Variants in PLEKHH2 observed in about 807,000 individuals in gnomAD.
The protein encoded by PLEKHH2 is pleckstrin homology domain-containing family H member 2.
Under a neutral mutation model 187.9 loss-of-function variants are expected in PLEKHH2, and 129 were observed. The ratio of observed to expected loss-of-function variants is 0.69; its 90% CI spans 0.59 to 0.79. The LOEUF (loss-of-function observed/expected upper bound fraction) is 0.79, where lower values mean the gene tolerates loss of function less well. PLEKHH2 is among the 30% of genes least tolerant of loss of function. The pLI is 0.00. For synonymous variants in PLEKHH2, 686 were observed against 605.6 expected (o/e 1.13, Z -1.95); for missense variants, 2,076 against 1,751.2 (o/e 1.19, Z -3.31).
intron 3 of PLEKHH2, among the ~76,000 whole-genome samples, chr2:43,684,835 A>AG (rs1015456234): frequency 6.6e-5 from 10 of 152,050 alleles, no homozygotes; most frequent in East Asian, 1.9e-4. Flanking sequence ...AAAAAAAAAA[A>AG]AGAGAGAGAA....
chr2:43,684,085 G>T (rs1005920254), intron 3 of PLEKHH2, among the ~76,000 whole-genome samples: 1 of 152,040 alleles, frequency 6.6e-6, no homozygotes, highest in Non-Finnish European at 1.5e-5. Flanking sequence ...TTTACTCTTG[G>T]TGTTTTATGT....
intron 2 of PLEKHH2, among the ~76,000 whole-genome samples, chr2:43,653,202 C>A (rs146207731): frequency 2.6e-5 from 4 of 151,896 alleles, no homozygotes; most frequent in Non-Finnish European, 5.9e-5. Flanking sequence ...AAGAACCTAC[C>A]ATAACAGATT....
intron 18 of PLEKHH2, among the ~76,000 whole-genome samples, 162 bp from the exon 19 acceptor site, chr2:43,731,328 C>A (rs1286511675): frequency 6.6e-6 from 1 of 152,136 alleles, no homozygotes; most frequent in African/African-American, 2.4e-5. Context: ...AATGACCTGG[C>A]TACCAAAATA....
At chr2:43,639,422 C>G (rs1280404694) in intron 1 of PLEKHH2, among the ~76,000 whole-genome samples, 1 of 152,174 alleles carries the variant, frequency 6.6e-6, no homozygotes, top group African/African-American at 2.4e-5. Context: ...TAGTCAGTAT[C>G]TGCTACCTTC....
intron 1 of PLEKHH2, among the ~76,000 whole-genome samples, chr2:43,641,708 A>T (rs980654068): frequency 6.6e-6 from 1 of 152,168 alleles, no homozygotes; most frequent in African/African-American, 2.4e-5. Context: ...ATTCTTTTAC[A>T]TATGGATATC....
In PLEKHH2 at chr2:43,700,502, A is replaced by T; in HGVS notation, c.1544A>T (p.Asp515Val). The change falls in exon 8 of 30, where the codon GAC becomes GTC. Residue 515 changes from aspartate to valine, a missense_variant. Coordinates refer to ENST00000282406, the MANE Select transcript of PLEKHH2 (RefSeq NM_172069.4). ...TSCDDGLFSY[D>V]SLDSPNSDDQ... ...TGTGATGATGGATTATTTTCCTATG[A>T]CTCCTTGGACTCTCCAAATTCAGAT... 2 of 1,613,912 alleles carry T rather than the reference A, an allele frequency of 1.2e-6. No individual in the cohort carries two copies. Among genetic ancestry groups the T allele is most frequent in the Non-Finnish European group, 1.7e-6 (2 of 1,179,990 alleles).
chr2:43,706,200 T>G, intron 9 of PLEKHH2, 122 bp from the exon 10 acceptor site: 1 of 722,546 alleles, frequency 1.4e-6, no homozygotes, highest in Non-Finnish European at 2.4e-6. Context: ...ATACAGTTAG[T>G]AATCATGTAT....
At chr2:43,755,092 C>T (rs1178881352) in intron 25 of PLEKHH2, among the ~76,000 whole-genome samples, 1 of 151,990 alleles carries the variant, frequency 6.6e-6, no homozygotes, top group African/African-American at 2.4e-5. Flanking sequence ...AGGCTAGTCT[C>T]GAACTCCTGA....
Position 43,731,509 on chromosome 2 carries a change from C to A in PLEKHH2, c.2850C>A (p.His950Gln). The A allele has an allele frequency of 6.3e-7, 1 of 1,599,644 alleles. No homozygotes were observed. The highest frequency in any genetic ancestry group is 8.6e-7 in the Non-Finnish European group (1 of 1,167,562). ...DGEPSSQIWR[H>Q]PTLCHSKEGI... is the part of the protein sequence containing the mutation. ...ATTTAGCCTCTCAGATATGGAGACA[C>A]CCCACTTTGTGTCACAGTAAAGAAG... The change falls in exon 19 of 30, where the codon CAC becomes CAA. Residue 950 changes from histidine to glutamine, a missense_variant. Transcript: ENST00000282406.
Position 43,745,978 on chromosome 2 carries a change from A to T in PLEKHH2, c.3653+15A>T. ...TACAAAAACAGGTGTGTAATACTGCATCCAGATGCCAAAGTATGAGTATAC... is the reference window on the plus strand; with the variant it reads ...TACAAAAACAGGTGTGTAATACTGCTTCCAGATGCCAAAGTATGAGTATAC... On this transcript the variant is annotated intron_variant, in intron 24 of 29. Coordinates refer to ENST00000282406, the MANE Select transcript of PLEKHH2 (RefSeq NM_172069.4). 5 of 1,531,208 alleles carry T rather than the reference A, an allele frequency of 3.3e-6. No individual in the cohort carries two copies. Among genetic ancestry groups the T allele is most frequent in the Non-Finnish European group, 4.5e-6 (5 of 1,114,142 alleles). 94.9% of individuals were successfully genotyped at this position (1,531,208 alleles called of 1,614,324 possible). A position where few individuals can be genotyped will look rare whatever the true frequency, so the allele number is the denominator to read the frequency against.
intron 15 of PLEKHH2, among the ~76,000 whole-genome samples, chr2:43,718,409 G>A (rs763683670): frequency 2.1e-4 from 32 of 151,984 alleles, no homozygotes; most frequent in Non-Finnish European, 3.7e-4. Flanking sequence ...ATGGTAGCAC[G>A]TGCCTGTAGT....
chr2:43,749,305 G>T (rs1671912465), intron 24 of PLEKHH2, among the ~76,000 whole-genome samples: 1 of 152,192 alleles, frequency 6.6e-6, no homozygotes, highest in Non-Finnish European at 1.5e-5. Flanking sequence ...TGTCTGGGTT[G>T]CCATAAGAGG....
chr2:43,721,271 C>G (rs777792644), intron 16 of PLEKHH2, among the ~76,000 whole-genome samples: 2 of 152,056 alleles, frequency 1.3e-5, no homozygotes, highest in African/African-American at 2.4e-5. Flanking sequence ...GGTGTCTGCC[C>G]AAAGGTAAAA....
Position 43,765,612 on chromosome 2 carries a change from T to C in PLEKHH2, c.*14T>C. 6.2e-7 allele frequency: 1 copy of C among 1,610,446 alleles called. No homozygotes were observed. Among genetic ancestry groups the C allele is most frequent in the Non-Finnish European group, 8.5e-7 (1 of 1,178,544 alleles). ...ACCTTACTCTGAAAGCTGGGGAGCC[T>C]GAACATTCACTCCTTGTCCTCCATG... On this transcript the variant is annotated 3_prime_UTR_variant, in exon 30 of 30. Transcript: ENST00000282406.
chr2:43,753,377 C>T (rs1236530865), intron 24 of PLEKHH2, among the ~76,000 whole-genome samples: 2 of 152,168 alleles, frequency 1.3e-5, no homozygotes, highest in Admixed American at 1.3e-4. Flanking sequence ...AGACAATTGA[C>T]ATTTAATGTG....
intron 2 of PLEKHH2, among the ~76,000 whole-genome samples, chr2:43,672,883 G>C (rs1667557072): frequency 6.6e-6 from 1 of 151,874 alleles, no homozygotes; most frequent in African/African-American, 2.4e-5. Context: ...CCTTGTCCTT[G>C]GTTTATGTAA....
intron 1 of PLEKHH2, among the ~76,000 whole-genome samples, chr2:43,639,829 G>C (rs1470981392): frequency 6.6e-6 from 1 of 151,800 alleles, no homozygotes; most frequent in East Asian, 1.9e-4. Context: ...GCTAATTTTT[G>C]TATTTTTAGT....
intron 14 of PLEKHH2, chr2:43,710,829 A>G (rs116296766): frequency 0.023 from 29,190 of 1,245,602 alleles, 403 homozygotes; most frequent in Non-Finnish European, 0.026. Flanking sequence ...CTCATATTTA[A>G]TCTCCTAGGT....
chr2:43,764,098 A>C (rs1459353059), intron 28 of PLEKHH2, 130 bp from the exon 29 acceptor site: 1 of 527,838 alleles, frequency 1.9e-6, no homozygotes, highest in Non-Finnish European at 3.0e-6. Context: ...ATTTTATTTT[A>C]GAAAATAATT....
Sources: allele counts gnomAD v4.1 joint callset (sites outside exome capture counted in the v4.1 genomes callset), GRCh38; gene constraint gnomAD v4.1.1; transcripts MANE v1.5; gene names NCBI Gene and HGNC (gene_info 2026-07-23, HGNC 2026-07-21).